The following PTPRD variants were observed in gnomAD, a reference collection of about 807,000 sequenced individuals.
The protein encoded by PTPRD is protein tyrosine phosphatase receptor type D.
Under a neutral mutation model 214.5 loss-of-function variants are expected in PTPRD, and 34 were observed. That is an observed-to-expected ratio of 0.16 (90% confidence interval 0.12 to 0.21). The LOEUF is 0.21. Among genes scored for constraint, PTPRD ranks in the 10% least tolerant of loss-of-function variants. The pLI is 1.00. For missense variants in PTPRD, 2,545 were observed against 2,398.7 expected (o/e 1.06, Z -1.27); for synonymous variants, 1,128 against 845.7 (o/e 1.33, Z -5.79).
intron 9 of PTPRD, among the ~76,000 whole-genome samples, chr9:9,201,649 G>T (rs1393393198): frequency 6.6e-6 from 1 of 152,062 alleles, no homozygotes; most frequent in African/African-American, 2.4e-5. Context: ...ATATCTTACT[G>T]ATAAAAATAA....
intron 2 of PTPRD, among the ~76,000 whole-genome samples, chr9:10,367,065 G>C (rs375732927): frequency 7.9e-6 from 1 of 126,834 alleles, no homozygotes; most frequent in Non-Finnish European, 1.6e-5. Flanking sequence ...AAAGAAAAAA[G>C]AAACAGACAA....
At chr9:9,389,811 C>T (rs1018236517) in intron 9 of PTPRD, among the ~76,000 whole-genome samples, 1 of 152,172 alleles carries the variant, frequency 6.6e-6, no homozygotes, top group South Asian at 2.1e-4. Flanking sequence ...ATTGAACATT[C>T]ACTCTGTGCC....
At chr9:10,518,590 C>T (rs537775406) in intron 2 of PTPRD, among the ~76,000 whole-genome samples, 29 of 151,330 alleles carry the variant, frequency 1.9e-4, no homozygotes, top group South Asian at 1.0e-3. Context: ...TGGAGTGCAG[C>T]GGCCCAATCT....
At chr9:8,393,493 T>C (rs2090236999) in intron 36 of PTPRD, among the ~76,000 whole-genome samples, 1 of 152,142 alleles carries the variant, frequency 6.6e-6, no homozygotes, top group South Asian at 2.1e-4. Context: ...ATGACAAAGA[T>C]GTTTGCCTTC....
chr9:9,963,812 A>G (rs781729520), intron 4 of PTPRD, among the ~76,000 whole-genome samples: 2 of 152,174 alleles, frequency 1.3e-5, no homozygotes, highest in Admixed American at 1.3e-4. Flanking sequence ...CACTAACTCA[A>G]TGATAATTAG....
rs577234900 is a variant in PTPRD at position 9,933,961 on chromosome 9, C to A, written c.-368+4546G>T. On this transcript the variant is annotated intron_variant, in intron 5 of 45. Transcript: ENST00000381196. The stretch of plus-strand genomic sequence containing the variant: ...GCTCAACTACATGGAAACTGAACAA[C>A]CTGCTCCTGAATGACTACTGGGTAC... Among the ~76,000 whole-genome samples, 901 of 145,532 alleles carry A rather than the reference C, an allele frequency of 6.2e-3. 9 individuals are homozygous for A. The highest frequency in any genetic ancestry group is 0.01 in the Non-Finnish European group (676 of 67,446).
intron 9 of PTPRD, among the ~76,000 whole-genome samples, chr9:9,242,482 C>A (rs1350629889): frequency 6.6e-6 from 1 of 152,130 alleles, no homozygotes; most frequent in African/African-American, 2.4e-5. Flanking sequence ...TCAGGTACAC[C>A]AATCAGACGT....
At chr9:9,382,386 AG>A (rs1193950479) in intron 9 of PTPRD, among the ~76,000 whole-genome samples, 3 of 152,276 alleles carry the variant, frequency 2.0e-5, no homozygotes, top group Middle Eastern at 3.4e-3. Flanking sequence ...AAAATTAAAA[AG>A]GTCATCTACG....
At chr9:9,423,063 C>G (rs770968983) in intron 8 of PTPRD, among the ~76,000 whole-genome samples, 2 of 152,260 alleles carry the variant, frequency 1.3e-5, no homozygotes, top group East Asian at 3.9e-4. Flanking sequence ...AAACCTCATC[C>G]TCTTCCTCAT....
At chr9:9,308,349 G>A (rs1346066927) in intron 9 of PTPRD, among the ~76,000 whole-genome samples, 1 of 152,180 alleles carries the variant, frequency 6.6e-6, no homozygotes, top group East Asian at 1.9e-4. Flanking sequence ...CCAGATTACA[G>A]ATATGAGAAT....
chr9:10,196,109 G>C (rs866141389), intron 3 of PTPRD, among the ~76,000 whole-genome samples: 15 of 152,204 alleles, frequency 9.9e-5, no homozygotes, highest in Middle Eastern at 3.4e-3. Flanking sequence ...AGAAATATGA[G>C]ACTATATACA....
chr9:9,917,049 T>C (rs7859837), intron 5 of PTPRD, among the ~76,000 whole-genome samples: 50,173 of 150,756 alleles, frequency 0.33, 8,660 homozygotes, highest in African/African-American at 0.44. Context: ...ACCTATGGAA[T>C]GCAGCAAAAG....
chr9:10,048,618 G>T (rs1288863259), intron 3 of PTPRD, among the ~76,000 whole-genome samples: 1 of 151,908 alleles, frequency 6.6e-6, no homozygotes, highest in African/African-American at 2.4e-5. Context: ...TCTAGAAACT[G>T]CTGGGGGAAA....
chr9:8,697,226 G>A (rs1317612977), intron 12 of PTPRD, among the ~76,000 whole-genome samples: 1 of 151,956 alleles, frequency 6.6e-6, no homozygotes, highest in Non-Finnish European at 1.5e-5. Flanking sequence ...GAAGGGAAAA[G>A]GGAGAAAAGG....
intron 11 of PTPRD, among the ~76,000 whole-genome samples, chr9:8,795,481 A>G (rs2154514229): frequency 6.6e-6 from 1 of 152,316 alleles, no homozygotes; most frequent in South Asian, 2.1e-4. Context: ...GAAAAAATTA[A>G]ATAGCCTACT....
At chr9:8,661,921 T>C (rs926777250) in intron 12 of PTPRD, among the ~76,000 whole-genome samples, 1 of 152,210 alleles carries the variant, frequency 6.6e-6, no homozygotes, top group African/African-American at 2.4e-5. Flanking sequence ...GATCTATTTA[T>C]TTATTTATTT....
chr9:9,461,469 G>C (rs1160735972), intron 8 of PTPRD, among the ~76,000 whole-genome samples: 4 of 152,040 alleles, frequency 2.6e-5, no homozygotes, highest in Admixed American at 1.3e-4. Context: ...AATGGAATTA[G>C]AGTAGATAAA....
At chr9:9,199,542 T>C (rs1403769206) in intron 9 of PTPRD, among the ~76,000 whole-genome samples, 1 of 152,076 alleles carries the variant, frequency 6.6e-6, no homozygotes, top group Non-Finnish European at 1.5e-5. Flanking sequence ...ATATAAATGG[T>C]GAGAACTGAT....
At position 10,190,843 on chromosome 9, in the gene PTPRD, G is replaced by T. The variant is rs113110846; in HGVS notation, c.-545+150120C>A. Among the ~76,000 whole-genome samples the T allele has an allele frequency of 4.5e-3, 678 of 151,990 alleles. 4 individuals are homozygous for T. The highest frequency in any genetic ancestry group is 0.016 in the African/African-American group (653 of 41,470). On this transcript the variant is annotated intron_variant, in intron 3 of 45. Coordinates refer to ENST00000381196, the MANE Select transcript of PTPRD (RefSeq NM_002839.4). ...CTAGCAACAAAATAAGTAGGCTGCT[G>T]AAGTAATACACAGGGTATGGGGTTT...
Sources: gnomAD v4.1 joint callset for allele counts (sites outside exome capture counted in the v4.1 genomes callset) on GRCh38, gnomAD v4.1.1 for gene constraint, MANE v1.5 for transcripts, NCBI Gene and HGNC (gene_info 2026-07-23, HGNC 2026-07-21) for gene names.